Variants in ADAMDEC1 observed in about 807,000 individuals in gnomAD.
The protein encoded by ADAMDEC1 is ADAM like decysin 1, also known as ADAM DEC1.
Under a neutral mutation model 60.4 loss-of-function variants are expected in ADAMDEC1, and 62 were observed. The ratio of observed to expected loss-of-function variants is 1.03; its 90% CI spans 0.84 to 1.27. The LOEUF is 1.27. Among genes scored for constraint, ADAMDEC1 ranks in the 50% most tolerant of loss-of-function variants. ADAMDEC1 has a pLI of 0.00. For synonymous variants in ADAMDEC1, 210 were observed against 195.1 expected (o/e 1.08, Z -0.64); for missense variants, 595 against 565.0 (o/e 1.05, Z -0.54).
intron 6 of ADAMDEC1, 21 bp downstream of exon 6, chr8:24,397,477 T>C (rs1162203711): frequency 1.2e-6 from 2 of 1,607,170 alleles, no homozygotes; most frequent in Non-Finnish European, 1.7e-6. Flanking sequence ...TTCCCTTACC[T>C]CATCATTTAC....
In ADAMDEC1 at chr8:24,399,339, T is replaced by C. The variant is rs1817700641; in HGVS notation, c.930-54T>C. On this transcript the variant is annotated intron_variant, in intron 9 of 13. Transcript: ENST00000256412. Reference sequence around the variant, plus strand: ...ATTCGTTAATGTAATTAACAAAAGCTAATGGTTACAAAGACTCAGATTGTG... The same window carrying C: ...ATTCGTTAATGTAATTAACAAAAGCCAATGGTTACAAAGACTCAGATTGTG... 5 of 1,539,920 alleles carry C rather than the reference T, an allele frequency of 3.2e-6. 1 individual carries two copies. The South Asian group carries it at 3.4e-5, about 10-fold the overall frequency.
At position 24,399,552 on chromosome 8, in the gene ADAMDEC1, G is replaced by A; in HGVS notation, c.1011+78G>A. ...CAGCATAACACCTTATATAGAATGA[G>A]CAAAATGAACATTTGCTGAATCAAT... is the stretch of plus-strand genomic sequence containing the variant. On this transcript the variant is annotated intron_variant, in intron 10 of 13. Transcript: ENST00000256412. The A allele has an allele frequency of 1.4e-5, 17 of 1,177,134 alleles. No homozygotes were observed. The South Asian group carries it at 2.1e-4, about 14-fold the overall frequency. 72.9% of individuals were successfully genotyped at this position (1,177,134 alleles called of 1,614,324 possible).
chr8:24,400,003 A>G (rs932247595), intron 10 of ADAMDEC1, among the ~76,000 whole-genome samples, 167 bp from the exon 11 acceptor site: 5 of 152,234 alleles, frequency 3.3e-5, no homozygotes, highest in South Asian at 2.1e-4. Context: ...GTAAGTATTC[A>G]TAGGACCCAA....
In ADAMDEC1 at chr8:24,397,524, A is replaced by G. The variant is rs1817647360; in HGVS notation, c.627+68A>G. On this transcript the variant is annotated intron_variant, in intron 6 of 13. Transcript: ENST00000256412. ...CAGCAAAGATAGGCAATATACTACT[A>G]TTCTTAGAAATGAGTAGTATGTGTA... is the stretch of plus-strand genomic sequence containing the variant. 12 of 1,539,424 alleles carry G rather than the reference A, an allele frequency of 7.8e-6. No individual in the cohort carries two copies. The East Asian group carries it at 1.8e-4, about 23-fold the overall frequency.
chr8:24,395,929 G>A (rs1817599010), intron 5 of ADAMDEC1, 133 bp downstream of exon 5: 2 of 662,110 alleles, frequency 3.0e-6, no homozygotes, highest in African/African-American at 1.8e-5. Context: ...TGTGGTTAAA[G>A]TGAAGAACAA....
chr8:24,402,355 C>T (rs1322833098), intron 12 of ADAMDEC1, among the ~76,000 whole-genome samples: 2 of 151,994 alleles, frequency 1.3e-5, no homozygotes, highest in Non-Finnish European at 2.9e-5. Context: ...CTTTCCAAAA[C>T]GTGTATTAGT....
chr8:24,384,795 C>T (rs1343994214), intron 1 of ADAMDEC1, among the ~76,000 whole-genome samples: 1 of 151,992 alleles, frequency 6.6e-6, no homozygotes, highest in African/African-American at 2.4e-5. Flanking sequence ...TATTTTAAAC[C>T]ACTATATGAA....
intron 8 of ADAMDEC1, 94 bp downstream of exon 8, chr8:24,398,645 C>T (rs1233452555): frequency 2.8e-6 from 3 of 1,063,816 alleles, no homozygotes; most frequent in Non-Finnish European, 4.1e-6. Flanking sequence ...TTAAAAAGAT[C>T]CCAAATGTCT....
rs1198587500 is a variant in ADAMDEC1, at chr8:24,384,488, G to T, written c.-17G>T. ...ATTGGAGAAGATAAAACTGGACACT[G>T]GGGAGACCACAACTTCATGCTGCGT... On this transcript the variant is annotated 5_prime_UTR_variant, in exon 1 of 14. Transcript: ENST00000256412. 1.9e-6 allele frequency: 3 copies of T among 1,590,478 alleles called. No homozygotes were observed. The highest frequency in any genetic ancestry group is 2.6e-6 in the Non-Finnish European group (3 of 1,166,864).
rs1285279012 is a variant in ADAMDEC1, at chr8:24,395,812, A to C, written c.440+16A>C. ...ACGGGTTGAGGTAAGAACTACCATC[A>C]AAATTACTCAAGATCAAGAAGCTTT... On this transcript the variant is annotated intron_variant, in intron 5 of 13. Coordinates refer to ENST00000256412, the MANE Select transcript of ADAMDEC1 (RefSeq NM_014479.3). The C allele has an allele frequency of 2.5e-6, 4 of 1,590,046 alleles. No individual in the cohort carries two copies. In the African/African-American group the frequency reaches 4.0e-5, roughly 16 times the overall value.
Position 24,400,316 on chromosome 8 carries a change from C to A in ADAMDEC1, c.1142+16C>A. The stretch of plus-strand genomic sequence containing the variant: ...AGTATCTGAGGTGAGACCTTGTCAT[C>A]CTAAAAGGAGAGAGATATTTTCCAA... On this transcript the variant is annotated intron_variant, in intron 11 of 13. Transcript: ENST00000256412. 6.3e-7 allele frequency: 1 copy of A among 1,580,012 alleles called. No individual in the cohort carries two copies. The highest frequency in any genetic ancestry group is 8.6e-7 in the Non-Finnish European group (1 of 1,168,872).
chr8:24,389,088 C>G (rs1380991842), intron 1 of ADAMDEC1, among the ~76,000 whole-genome samples: 2 of 152,076 alleles, frequency 1.3e-5, no homozygotes, highest in African/African-American at 4.8e-5. Context: ...TGCTCTTACA[C>G]AAGGAAAAAT....
Position 24,387,150 on chromosome 8 carries a change from A to T in ADAMDEC1, c.88+2558A>T, listed in dbSNP as rs1459120317. 2.6e-5 allele frequency: 4 copies of T among 152,216 alleles called. No individual in the cohort carries two copies. The East Asian group carries it at 7.7e-4, about 29-fold the overall frequency. 9.4% of individuals were successfully genotyped at this position (152,216 alleles called of 1,614,324 possible). On this transcript the variant is annotated intron_variant, in intron 1 of 13. Coordinates refer to ENST00000256412, the MANE Select transcript of ADAMDEC1 (RefSeq NM_014479.3). ...TTCTTTAGAAGTGTTGAAAGCAATG[A>T]GTTCACGTACCTGATTGTCTTGTTG... is the stretch of plus-strand genomic sequence containing the variant.
At chr8:24,401,658 T>C (rs970479945) in intron 11 of ADAMDEC1, among the ~76,000 whole-genome samples, 1 of 152,124 alleles carries the variant, frequency 6.6e-6, no homozygotes, top group African/African-American at 2.4e-5. Flanking sequence ...AATGGCCACA[T>C]GGAAATTGAA....
rs754130951 is a variant in ADAMDEC1 at position 24,405,438 on chromosome 8, G to A, written c.*140G>A. Reference sequence around the variant, plus strand: ...ACTTTCTATATTGTTATCAGTCCAGGAAACAGGTAAACAGATGTAATTAGA... The same window carrying A: ...ACTTTCTATATTGTTATCAGTCCAGAAAACAGGTAAACAGATGTAATTAGA... On this transcript the variant is annotated 3_prime_UTR_variant, in exon 14 of 14. Transcript: ENST00000256412. 2 of 918,878 alleles carry A rather than the reference G, an allele frequency of 2.2e-6. No individual in the cohort carries two copies. The highest frequency in any genetic ancestry group is 3.3e-6 in the Non-Finnish European group (2 of 601,052). The allele number at this position is 918,878 out of a possible 1,614,324, so 56.9% of individuals were successfully genotyped here. A position where few individuals can be genotyped will look rare whatever the true frequency, so the allele number is the denominator to read the frequency against.
intron 12 of ADAMDEC1, among the ~76,000 whole-genome samples, chr8:24,403,151 A>G (rs573188941): frequency 6.6e-6 from 1 of 151,954 alleles, no homozygotes; most frequent in Non-Finnish European, 1.5e-5. Flanking sequence ...ATGTCAGTCA[A>G]CTCTTGTATT....
intron 5 of ADAMDEC1, among the ~76,000 whole-genome samples, chr8:24,396,312 C>T (rs961588045): frequency 1.2e-4 from 18 of 152,102 alleles, no homozygotes; most frequent in African/African-American, 4.1e-4. Flanking sequence ...AGATTGAGAC[C>T]ATCCTGGCTA....
At chr8:24,387,304 T>C (rs763446356) in intron 1 of ADAMDEC1, 1 of 152,220 alleles carries the variant, frequency 6.6e-6, no homozygotes, top group Non-Finnish European at 1.5e-5. Flanking sequence ...GGAAAATATT[T>C]GTCTCCTCTG....
intron 7 of ADAMDEC1, 132 bp downstream of exon 7, chr8:24,397,877 C>T: frequency 1.3e-6 from 1 of 743,076 alleles, no homozygotes; most frequent in Non-Finnish European, 2.2e-6. Context: ...TGGCTGTTTA[C>T]ATGCCTTGCC....
Sources: gnomAD v4.1 joint callset for allele counts (sites outside exome capture counted in the v4.1 genomes callset) on GRCh38, gnomAD v4.1.1 for gene constraint, MANE v1.5 for transcripts, NCBI Gene and HGNC (gene_info 2026-07-23, HGNC 2026-07-21) for gene names.